The following H2AC8 variants were observed in gnomAD, a reference collection of about 807,000 sequenced individuals.
The protein encoded by H2AC8 is histone H2A type 1-B/E.
In H2AC8, 9 loss-of-function variants were observed where a neutral mutation model predicts 6.3. That is an observed-to-expected ratio of 1.43 (90% CI 0.86 to 2.49). The LOEUF (loss-of-function observed/expected upper bound fraction) is 2.49. Among genes scored for constraint, H2AC8 ranks in the 30% most tolerant of loss-of-function variants. H2AC8 has a pLI of 0.00. For synonymous variants in H2AC8, 176 were observed against 79.6 expected (o/e 2.21, Z -6.45); for missense variants, 141 against 177.5 (o/e 0.79, Z 1.17).
At chr6:26,217,286 G>A in exon 1 of H2AC8, 4 of 1,614,190 alleles carry the variant, frequency 2.5e-6, no homozygotes, top group Non-Finnish European at 1.7e-6. Context: ...TGACCATCGC[G>A]CAGGGCGGTG....
chr6:26,217,359 G>A, exon 1 of H2AC8: 5 of 1,612,556 alleles, frequency 3.1e-6, no homozygotes, highest in Non-Finnish European at 4.2e-6. Context: ...TAAGGCCAAG[G>A]GCAAGTGAAA....
exon 1 of H2AC8, chr6:26,217,323 C>A (rs1765435809): frequency 6.2e-7 from 1 of 1,614,098 alleles, no homozygotes; most frequent in African/African-American, 1.3e-5. Flanking sequence ...GGCCGTATTG[C>A]TGCCTAAGAA....
At chr6:26,217,103 A>G in exon 1 of H2AC8, 1 of 1,614,200 alleles carries the variant, frequency 6.2e-7, no homozygotes, top group Non-Finnish European at 8.5e-7. Context: ...ACTCCGAACG[A>G]GTCGGGGCCG....
At chr6:26,216,961 G>C (rs199635603), upstream of H2AC8, 3 of 1,613,776 alleles carry the variant, frequency 1.9e-6, no homozygotes, top group Non-Finnish European at 2.5e-6. Context: ...TTCTTCTGCT[G>C]TTAGGAAGCC....
chr6:26,217,054 C>T (rs1413731245), exon 1 of H2AC8: 2 of 1,614,206 alleles, frequency 1.2e-6, no homozygotes, highest in South Asian at 1.1e-5. Context: ...CTTCAGTTTC[C>T]AGTTGGCCGT....
chr6:26,217,261 A>G (rs1765433944), exon 1 of H2AC8: 1 of 1,614,090 alleles, frequency 6.2e-7, no homozygotes, highest in African/African-American at 1.3e-5. Flanking sequence ...GAGCTAAATA[A>G]GCTTCTAGGT....
chr6:26,216,940 T>G, upstream of H2AC8: 3 of 1,610,800 alleles, frequency 1.9e-6, no homozygotes, highest in South Asian at 3.3e-5. Context: ...CTTTATTCAG[T>G]GGATTGTTAG....
upstream of H2AC8, chr6:26,216,951 T>G (rs772569892): frequency 6.2e-7 from 1 of 1,613,354 alleles, no homozygotes; most frequent in South Asian, 1.1e-5. Context: ...GGATTGTTAG[T>G]TCTTCTGCTG....
chr6:26,217,017 GCTAAAACGCGTTCTTC>G lies in H2AC8; in HGVS notation c.45_60del (p.Lys16GlyfsTer39), dbSNP rs1561989902. On this transcript the variant is annotated frameshift_variant, in exon 1 of 1. Transcript: ENST00000303910. LOFTEE classifies it high-confidence loss of function. ...GCAAGGCGGCAAAGCTCGGGCAAAA[GCTAAAACGCGTTCTTC>G]CAGGGCCGGTCTTCAGTTTCCAGTT... 6.2e-7 allele frequency: 1 copy of G among 1,614,200 alleles called. No homozygotes were observed. Among genetic ancestry groups the G allele is most frequent in the Non-Finnish European group, 8.5e-7 (1 of 1,180,044 alleles).
chr6:26,217,222 A>G (rs775519418), exon 1 of H2AC8: 1 of 1,614,148 alleles, frequency 6.2e-7, no homozygotes, highest in Non-Finnish European at 8.5e-7. Flanking sequence ...ATCCCGCGCC[A>G]CCTGCAGCTA....
chr6:26,217,136 G>T, exon 1 of H2AC8: 1 of 1,614,186 alleles, frequency 6.2e-7, no homozygotes, highest in Non-Finnish European at 8.5e-7. Flanking sequence ...ACCTGGCAGC[G>T]GTGCTGGAAT....
chr6:26,216,924 C>A (rs775704466), upstream of H2AC8: 3 of 1,598,594 alleles, frequency 1.9e-6, no homozygotes, highest in South Asian at 1.1e-5. Flanking sequence ...CGAGCCCATT[C>A]TTTTTCTTTA....
chr6:26,216,980 T>G (rs1274075424), exon 1 of H2AC8: 2 of 1,614,186 alleles, frequency 1.2e-6, no homozygotes, highest in African/African-American at 1.3e-5. Context: ...CCACTATGTC[T>G]GGACGTGGAA....
At chr6:26,216,921 A>G (rs543445278), upstream of H2AC8, 1,380 of 1,593,736 alleles carry the variant, frequency 8.7e-4, 3 homozygotes, top group Middle Eastern at 5.7e-3. Flanking sequence ...CATCGAGCCC[A>G]TTCTTTTTCT....
upstream of H2AC8, chr6:26,216,952 T>C (rs773611190): frequency 1.2e-6 from 2 of 1,613,246 alleles, no homozygotes; most frequent in Non-Finnish European, 1.7e-6. Context: ...GATTGTTAGT[T>C]CTTCTGCTGT....
chr6:26,217,042 G>T, exon 1 of H2AC8: 8 of 1,614,192 alleles, frequency 5.0e-6, no homozygotes, highest in Non-Finnish European at 6.8e-6. Context: ...TCCAGGGCCG[G>T]TCTTCAGTTT....
exon 1 of H2AC8, chr6:26,217,062 C>G (rs1313553009): frequency 6.2e-7 from 1 of 1,614,062 alleles, no homozygotes. Context: ...TCCAGTTGGC[C>G]GTGTGCACCG....
rs146395175 is a variant in H2AC8 at position 26,217,280 on chromosome 6, C to T, written c.306C>T (p.Thr102=). The T allele has an allele frequency of 4.5e-5, 72 of 1,614,108 alleles. No homozygotes were observed. The African/African-American group carries it at 6.4e-4, about 14-fold the overall frequency. ...TAAATAAGCTTCTAGGTCGCGTGAC[C>T]ATCGCGCAGGGCGGTGTCCTGCCCA... The change falls in exon 1 of 1, where the codon ACC becomes ACT. Residue 102 remains threonine, a synonymous_variant. Coordinates refer to ENST00000303910, the Ensembl canonical transcript of H2AC8.
At chr6:26,217,042 G>C in exon 1 of H2AC8, 5 of 1,614,192 alleles carry the variant, frequency 3.1e-6, no homozygotes, top group Non-Finnish European at 4.2e-6. Flanking sequence ...TCCAGGGCCG[G>C]TCTTCAGTTT....
Sources: gnomAD v4.1 joint callset for allele counts on GRCh38, gnomAD v4.1.1 for gene constraint, MANE v1.5 for transcripts, NCBI Gene and HGNC (gene_info 2026-07-23, HGNC 2026-07-21) for gene names.